EVL: variants seen among roughly 807,000 people sequenced by gnomAD.
The protein encoded by EVL is Enah/Vasp-like, also known as ena/VASP-like protein.
In EVL, 21 loss-of-function variants were observed where a neutral mutation model predicts 59.6. The ratio of observed to expected loss-of-function variants is 0.35; its 90% CI spans 0.25 to 0.51. The LOEUF is 0.51. Among genes scored for constraint, EVL ranks in the 20% least tolerant of loss-of-function variants. EVL has a pLI of 0.97. For synonymous variants in EVL, 198 were observed against 203.5 expected, an observed-to-expected ratio of 0.97 and a Z score of 0.23; for missense variants, 462 against 546.6, an observed-to-expected ratio of 0.85 and a Z score of 1.54.
chr14:100,125,254 ACACAC>A, intron 4 of EVL, among the ~76,000 whole-genome samples: 1 of 14,890 alleles, frequency 6.7e-5, no homozygotes, highest in South Asian at 2.0e-3. Flanking sequence ...AGGCAGGAAT[ACACAC>A]ACACACACAC....
chr14:100,049,742 T>C (rs549636970), intron 1 of EVL, among the ~76,000 whole-genome samples: 1 of 152,318 alleles, frequency 6.6e-6, no homozygotes, highest in Non-Finnish European at 1.5e-5. Flanking sequence ...CAATTAATTT[T>C]AGAACATTTT....
chr14:100,017,367 G>C (rs900511470), intron 1 of EVL, among the ~76,000 whole-genome samples: 1 of 152,168 alleles, frequency 6.6e-6, no homozygotes, highest in African/African-American at 2.4e-5. Context: ...TGAGCAGACA[G>C]GATACTTCCA....
intron 1 of EVL, chr14:99,975,010 A>T (rs966866158): frequency 6.6e-6 from 1 of 151,620 alleles, no homozygotes; most frequent in African/African-American, 2.5e-5. Context: ...GATGATGGGG[A>T]CCTACTCCTT....
chr14:100,143,464 C>T (rs1691294491), intron 13 of EVL, among the ~76,000 whole-genome samples: 1 of 152,220 alleles, frequency 6.6e-6, no homozygotes, highest in Non-Finnish European at 1.5e-5. Flanking sequence ...TGTCCCTACG[C>T]CAGGTCCTCC....
chr14:100,082,421 C>T (rs892121629), intron 1 of EVL, among the ~76,000 whole-genome samples: 1 of 152,124 alleles, frequency 6.6e-6, no homozygotes, highest in Non-Finnish European at 1.5e-5. Flanking sequence ...TGGAAGGAAG[C>T]GCTCTTCCTT....
chr14:100,008,425 T>C (rs1297226059), intron 1 of EVL, among the ~76,000 whole-genome samples: 9 of 152,240 alleles, frequency 5.9e-5, no homozygotes, highest in Non-Finnish European at 2.9e-5. Context: ...GAGATCAGAC[T>C]GACTCTTTTC....
In EVL at chr14:99,972,026, C is replaced by A. The variant is rs1447579549; in HGVS notation, c.-27C>A. On this transcript the variant is annotated 5_prime_UTR_variant, in exon 1 of 14. Coordinates refer to the EVL transcript ENST00000402714. This position sits in a 1 kb window ranked among gnomAD's most constrained non-coding sequence, Gnocchi z 4.4. ...CCGCCGCCGCCGGGTCGCCCCTGGC[C>A]CGGCGCGCCCGTCCCCGGCAGCGAC... 80 of 215,042 alleles carry A rather than the reference C, an allele frequency of 3.7e-4. No homozygotes were observed. Among genetic ancestry groups the A allele is most frequent in the Middle Eastern group, 1.5e-3 (1 of 654 alleles). The allele number at this position is 215,042 out of a possible 1,614,324, so 13.3% of individuals were successfully genotyped here.
chr14:100,036,605 T>C (rs2061393114), intron 1 of EVL, among the ~76,000 whole-genome samples: 1 of 152,190 alleles, frequency 6.6e-6, no homozygotes. Flanking sequence ...TCATGTCTGT[T>C]ACTTGCAGCT....
At chr14:100,062,272 T>A (rs1242948825), upstream of EVL, among the ~76,000 whole-genome samples, 1 of 151,744 alleles carries the variant, frequency 6.6e-6, no homozygotes, top group Admixed American at 6.6e-5. Context: ...ACATTGTATT[T>A]TGAGTAACAT....
rs749877974 is a variant in EVL at position 100,097,560 on chromosome 14, G to C, written c.260G>C (p.Arg87Pro). 6.2e-7 allele frequency: 1 copy of C among 1,614,136 alleles called. No homozygotes were observed. The highest frequency in any genetic ancestry group is 2.2e-5 in the East Asian group (1 of 44,882). Reference sequence around the variant, plus strand: ...ACCTTCCACCAGTGGCGAGATGCCCGCCAGGTCTACGGCTTAAACTTTGCA... The same window carrying C: ...ACCTTCCACCAGTGGCGAGATGCCCCCCAGGTCTACGGCTTAAACTTTGCA... ...TPTFHQWRDA[R>P]QVYGLNFASK... is the part of the protein sequence containing the mutation. The change falls in exon 3 of 14, where the codon CGC (arginine) becomes CCC (proline). Residue 87 changes from arginine to proline, a missense_variant. Physicochemically the swap from Arg to Pro is moderately radical, Grantham distance 103. Transcript: ENST00000392920.
chr14:100,078,741 C>A (rs1260971878), intron 1 of EVL, among the ~76,000 whole-genome samples: 1 of 152,134 alleles, frequency 6.6e-6, no homozygotes, highest in African/African-American at 2.4e-5. Context: ...GAGTTCCCAG[C>A]AGGGCAGCTC....
chr14:100,074,035 T>G, intron 1 of EVL, among the ~76,000 whole-genome samples: 1 of 151,548 alleles, frequency 6.6e-6, no homozygotes, highest in African/African-American at 2.4e-5. Context: ...CGGGGAGCAG[T>G]GTGAGTAGAG....
At chr14:100,017,393 T>C (rs2061059361) in intron 1 of EVL, among the ~76,000 whole-genome samples, 1 of 152,192 alleles carries the variant, frequency 6.6e-6, no homozygotes, top group Non-Finnish European at 1.5e-5. Context: ...TGGTAGTCTC[T>C]TCATGAAGAA....
At chr14:100,083,794 C>G (rs1412541344) in intron 1 of EVL, among the ~76,000 whole-genome samples, 1 of 152,170 alleles carries the variant, frequency 6.6e-6, no homozygotes, top group Non-Finnish European at 1.5e-5. Flanking sequence ...TCTGATGCTA[C>G]CCTAGCATAA....
chr14:100,032,130 T>C (rs1317438978), intron 1 of EVL, among the ~76,000 whole-genome samples: 1 of 152,194 alleles, frequency 6.6e-6, no homozygotes. Flanking sequence ...AGCAGGGCAA[T>C]GAAACATTCT....
intron 1 of EVL, among the ~76,000 whole-genome samples, chr14:100,031,322 G>A (rs1400205828): frequency 6.6e-6 from 1 of 152,184 alleles, no homozygotes; most frequent in Non-Finnish European, 1.5e-5. Context: ...AAGAACCTGA[G>A]CTTGGGAACC....
chr14:100,121,323 G>C (rs1887684062), intron 3 of EVL, among the ~76,000 whole-genome samples: 1 of 152,206 alleles, frequency 6.6e-6, no homozygotes, highest in Non-Finnish European at 1.5e-5. Flanking sequence ...CCGGGGGACG[G>C]AGGAGGCCAG....
chr14:99,998,310 C>T (rs1005800050), intron 1 of EVL, among the ~76,000 whole-genome samples: 5 of 152,160 alleles, frequency 3.3e-5, no homozygotes, highest in Admixed American at 6.6e-5. Context: ...AGCCCCTGCA[C>T]TCCGCACAAC....
intron 1 of EVL, among the ~76,000 whole-genome samples, chr14:100,053,519 AGTT>A (rs1283216810): frequency 6.6e-6 from 1 of 152,162 alleles, no homozygotes; most frequent in Non-Finnish European, 1.5e-5. Flanking sequence ...CGTATACAAA[AGTT>A]GTTGTGTCTG....
Sources: allele counts gnomAD v4.1 joint callset (sites outside exome capture counted in the v4.1 genomes callset), GRCh38; gene constraint gnomAD v4.1.1; non-coding constraint Gnocchi (gnomAD v3.1); transcripts MANE v1.5; gene names NCBI Gene and HGNC (gene_info 2026-07-23, HGNC 2026-07-21).